Variants in CACNA2D3 observed in about 807,000 individuals in gnomAD.
CACNA2D3 encodes calcium voltage-gated channel auxiliary subunit alpha2delta 3, also known as voltage-dependent calcium channel subunit alpha-2/delta-3.
CACNA2D3 carries 60 observed loss-of-function variants against 160.6 expected under a neutral mutation model. The observed-to-expected ratio is 0.37, with a 90% CI of 0.30 to 0.46. CACNA2D3 has a LOEUF of 0.46. Ranked by LOEUF, CACNA2D3 falls within the 20% of genes least tolerant of loss-of-function variation. The pLI is 1.00. For missense variants in CACNA2D3, 1,205 were observed against 1,365.0 expected (o/e 0.88, Z 1.85); for synonymous variants, 558 against 492.9 (o/e 1.13, Z -1.75).
At chr3:54,243,553 C>T (rs1011354195) in intron 2 of CACNA2D3, among the ~76,000 whole-genome samples, 4 of 152,300 alleles carry the variant, frequency 2.6e-5, no homozygotes, top group Admixed American at 2.6e-4. Flanking sequence ...TTGTTACACT[C>T]ATTCCTGAGG....
At chr3:54,879,958 T>G (rs1699753825) in intron 20 of CACNA2D3, among the ~76,000 whole-genome samples, 1 of 152,256 alleles carries the variant, frequency 6.6e-6, no homozygotes, top group Admixed American at 6.5e-5. Context: ...TTCTAAAGTT[T>G]CCCACTACTA....
At chr3:54,417,821 C>T (rs1196914315) in intron 4 of CACNA2D3, among the ~76,000 whole-genome samples, 1 of 151,412 alleles carries the variant, frequency 6.6e-6, no homozygotes, top group African/African-American at 2.4e-5. Flanking sequence ...GGGGTTACTC[C>T]TGTCACCCAG....
intron 19 of CACNA2D3, 107 bp from the exon 20 acceptor site, chr3:54,879,243 A>G: frequency 2.2e-6 from 2 of 909,168 alleles, no homozygotes; most frequent in Non-Finnish European, 3.4e-6. Context: ...AGTACTGTTA[A>G]CCTGATCATA....
At chr3:54,427,939 A>C (rs1217091628) in intron 4 of CACNA2D3, among the ~76,000 whole-genome samples, 1 of 152,222 alleles carries the variant, frequency 6.6e-6, no homozygotes, top group Non-Finnish European at 1.5e-5. Flanking sequence ...AGGGAAGTTA[A>C]GAGCCCTCAA....
At chr3:54,507,700 G>C (rs1701393327) in intron 5 of CACNA2D3, among the ~76,000 whole-genome samples, 1 of 152,194 alleles carries the variant, frequency 6.6e-6, no homozygotes, top group East Asian at 1.9e-4. Context: ...ATAAGGCCTG[G>C]AAATGTCTGG....
intron 35 of CACNA2D3, among the ~76,000 whole-genome samples, chr3:55,071,484 T>G (rs1235446496): frequency 6.6e-6 from 1 of 152,206 alleles, no homozygotes; most frequent in East Asian, 1.9e-4. Context: ...TCTATAAATA[T>G]CTACAGAGAT....
intron 5 of CACNA2D3, among the ~76,000 whole-genome samples, chr3:54,557,524 CTGTT>C (rs1256297143): frequency 6.6e-6 from 1 of 152,152 alleles, no homozygotes. Flanking sequence ...TAACTGTAAA[CTGTT>C]TGACTCCTTA....
chr3:54,603,691 T>C (rs1454333750), intron 9 of CACNA2D3, among the ~76,000 whole-genome samples: 1 of 152,204 alleles, frequency 6.6e-6, no homozygotes, highest in Non-Finnish European at 1.5e-5. Context: ...TGACGCTTTG[T>C]CTGTGGAATG....
chr3:54,338,060 C>T (rs1267182837), intron 3 of CACNA2D3, among the ~76,000 whole-genome samples: 3 of 152,222 alleles, frequency 2.0e-5, no homozygotes, highest in Non-Finnish European at 4.4e-5. Flanking sequence ...CAGACAACAC[C>T]AGTAAATCTT....
intron 11 of CACNA2D3, among the ~76,000 whole-genome samples, chr3:54,741,230 G>A (rs1009911893): frequency 4.6e-5 from 7 of 152,130 alleles, no homozygotes; most frequent in Admixed American, 1.3e-4. Flanking sequence ...GTCATCAGGC[G>A]TTATACTCTC....
intron 9 of CACNA2D3, among the ~76,000 whole-genome samples, chr3:54,586,750 T>G (rs998410649): frequency 6.6e-6 from 1 of 152,138 alleles, no homozygotes; most frequent in Non-Finnish European, 1.5e-5. Context: ...TATGGAACAT[T>G]AAGCAAGATA....
At chr3:54,539,898 AGGCCCTGCTTCT>A (rs1701945401) in intron 5 of CACNA2D3, among the ~76,000 whole-genome samples, 1 of 152,152 alleles carries the variant, frequency 6.6e-6, no homozygotes, top group Non-Finnish European at 1.5e-5. Context: ...GCTGACGAGC[AGGCCCTGCTTCT>A]GGGTTGGAAG....
chr3:54,314,137 T>C (rs777887754), intron 2 of CACNA2D3, among the ~76,000 whole-genome samples: 4 of 152,178 alleles, frequency 2.6e-5, no homozygotes, highest in Non-Finnish European at 5.9e-5. Context: ...GTACCACTTA[T>C]AAGTGAGAAC....
intron 4 of CACNA2D3, among the ~76,000 whole-genome samples, chr3:54,454,330 A>C (rs1161374284): frequency 1.3e-5 from 2 of 151,968 alleles, no homozygotes; most frequent in Admixed American, 1.3e-4. Flanking sequence ...TACAAACGAC[A>C]TTTCCCTCCC....
chr3:54,770,808 A>G (rs1702307059), intron 13 of CACNA2D3, among the ~76,000 whole-genome samples: 1 of 152,220 alleles, frequency 6.6e-6, no homozygotes, highest in South Asian at 2.1e-4. Context: ...TGAATTAAAT[A>G]TTATTTAAAC....
chr3:55,015,427 C>A lies in CACNA2D3; in HGVS notation c.2876-2779C>A, dbSNP rs538816017. ...TGTTTTACTATTAAATTAATTAATT[C>A]ATATTAAGCAGGACAGCATCTGGAA... On this transcript the variant is annotated intron_variant, in intron 34 of 37. Coordinates refer to ENST00000474759, the MANE Select transcript of CACNA2D3 (RefSeq NM_018398.3). Among the ~76,000 whole-genome samples the A allele has an allele frequency of 5.8e-4, 88 of 152,242 alleles. 2 individuals are homozygous for A. Among genetic ancestry groups the A allele is most frequent in the Admixed American group, 4.8e-3 (73 of 15,294 alleles).
chr3:54,828,139 G>A (rs1464847492), intron 14 of CACNA2D3, among the ~76,000 whole-genome samples: 1 of 152,190 alleles, frequency 6.6e-6, no homozygotes, highest in African/African-American at 2.4e-5. Flanking sequence ...TTTAAACAAG[G>A]AGAAGGTTTT....
chr3:54,334,719 A>G (rs908639090), intron 3 of CACNA2D3, among the ~76,000 whole-genome samples: 12 of 152,234 alleles, frequency 7.9e-5, no homozygotes, highest in Non-Finnish European at 1.8e-4. Flanking sequence ...CAAAACTAAC[A>G]TGAGGATCAA....
chr3:54,933,091 TC>T, intron 27 of CACNA2D3, among the ~76,000 whole-genome samples: 1 of 145,830 alleles, frequency 6.9e-6, no homozygotes, highest in Non-Finnish European at 1.5e-5. Context: ...CTTCCTTCCT[TC>T]CTTCCTTCCT....
Sources: gnomAD v4.1 joint callset for allele counts (sites outside exome capture counted in the v4.1 genomes callset) on GRCh38, gnomAD v4.1.1 for gene constraint, MANE v1.5 for transcripts, NCBI Gene and HGNC (gene_info 2026-07-23, HGNC 2026-07-21) for gene names.